Variants in NPAS3 observed in about 807,000 individuals in gnomAD.
NPAS3 encodes the protein neuronal PAS domain protein 3, also known as neuronal PAS domain-containing protein 3.
Under a neutral mutation model 73.1 loss-of-function variants are expected in NPAS3, and 14 were observed. The ratio of observed to expected loss-of-function variants is 0.19; its 90% CI spans 0.13 to 0.30. NPAS3 has a LOEUF of 0.30. Ranked by LOEUF, NPAS3 falls within the 10% of genes least tolerant of loss-of-function variation. The pLI is 1.00. For synonymous variants in NPAS3, 620 were observed against 541.5 expected, an observed-to-expected ratio of 1.14 and a Z score of -2.01; for missense variants, 1,096 against 1,250.0, an observed-to-expected ratio of 0.88 and a Z score of 1.86.
chr14:33,503,803 TG>T (rs1400889554), intron 4 of NPAS3, among the ~76,000 whole-genome samples: 1 of 152,032 alleles, frequency 6.6e-6, no homozygotes, highest in East Asian at 1.9e-4. Context: ...TACATTGCTT[TG>T]TTTATCCTTT....
Position 33,800,962 on chromosome 14 carries a change from C to T in NPAS3, c.2655C>T (p.Phe885=). 1.3e-6 allele frequency: 2 copies of T among 1,599,440 alleles called. No homozygotes were observed. The highest frequency in any genetic ancestry group is 1.1e-5 in the South Asian group (1 of 88,654). Residue 885 remains phenylalanine, a synonymous_variant, in exon 12 of 12, where the codon TTC becomes TTT. Transcript: ENST00000356141. This position sits in a 1 kb window ranked among gnomAD's most constrained non-coding sequence, Gnocchi z 6.5. ...ACCGGCTCAACATGTCAGGACCGTTCGGCGGCGCAGTGAGCGCAGCTAGCC... is the reference window on the plus strand; with the variant it reads ...ACCGGCTCAACATGTCAGGACCGTTTGGCGGCGCAGTGAGCGCAGCTAGCC...
In NPAS3 at chr14:33,287,192, A is replaced by G. The variant is rs149829175; in HGVS notation, c.385+71766A>G. ...TTTGGAATAACCATATCTCTTGGAA[A>G]TGCTGTGAAGCTTTCTTCTTTTTAT... On this transcript the variant is annotated intron_variant, in intron 3 of 11. Coordinates refer to ENST00000356141, the Ensembl canonical transcript of NPAS3. 5.1e-3 allele frequency among the ~76,000 whole-genome samples: 782 copies of G among 152,334 alleles called. 11 individuals are homozygous for G. Among genetic ancestry groups the G allele is most frequent in the African/African-American group, 0.017 (717 of 41,572 alleles).
intron 5 of NPAS3, among the ~76,000 whole-genome samples, chr14:33,669,587 C>T (rs1376518569): frequency 1.3e-5 from 2 of 152,114 alleles, no homozygotes; most frequent in Admixed American, 1.3e-4. Context: ...TGAAATGCAG[C>T]GTATAATTTA....
chr14:33,410,479 T>G (rs2047872313), intron 4 of NPAS3, among the ~76,000 whole-genome samples: 1 of 152,192 alleles, frequency 6.6e-6, no homozygotes, highest in Admixed American at 6.6e-5. Context: ...GCCTTTGGAT[T>G]AATAACTAGA....
chr14:33,576,330 G>A (rs975467926), intron 5 of NPAS3, among the ~76,000 whole-genome samples: 1 of 152,090 alleles, frequency 6.6e-6, no homozygotes, highest in African/African-American at 2.4e-5. Flanking sequence ...GTGCTGATAC[G>A]ATGTTTCCTA....
intron 5 of NPAS3, among the ~76,000 whole-genome samples, chr14:33,662,163 A>G (rs2059326540): frequency 1.3e-5 from 2 of 152,266 alleles, no homozygotes; most frequent in Non-Finnish European, 2.9e-5. Flanking sequence ...TTACTCAGCC[A>G]TGCCACCATA....
chr14:33,803,816 T>C (rs1595651745), downstream of NPAS3: 1 of 152,052 alleles, frequency 6.6e-6, no homozygotes, highest in South Asian at 2.1e-4. Context: ...TGGTGCCAAG[T>C]AGCTGAATAA....
chr14:33,551,304 G>A (rs765789650), intron 4 of NPAS3, among the ~76,000 whole-genome samples: 6 of 152,058 alleles, frequency 3.9e-5, no homozygotes, highest in Non-Finnish European at 5.9e-5. Context: ...TTTAATCATC[G>A]TTACTACTCC....
chr14:33,205,177 T>C (rs181266739), intron 2 of NPAS3, among the ~76,000 whole-genome samples: 2 of 152,198 alleles, frequency 1.3e-5, no homozygotes, highest in African/African-American at 4.8e-5. Context: ...TCTATATCTT[T>C]ATAGATAAAG....
intron 6 of NPAS3, among the ~76,000 whole-genome samples, chr14:33,690,865 A>T (rs2060216353): frequency 1.2e-5 from 1 of 85,146 alleles, no homozygotes; most frequent in African/African-American, 4.4e-5. Flanking sequence ...TTAGTTTAAA[A>T]TTTGTTAAAA....
intron 6 of NPAS3, among the ~76,000 whole-genome samples, chr14:33,678,260 G>A (rs890666907): frequency 2.6e-5 from 4 of 152,162 alleles, no homozygotes; most frequent in East Asian, 1.9e-4. Flanking sequence ...AGTAGTTCTC[G>A]TAGATAGTTA....
chr14:33,628,103 A>G (rs1378183211), intron 5 of NPAS3, among the ~76,000 whole-genome samples: 2 of 152,228 alleles, frequency 1.3e-5, no homozygotes, highest in South Asian at 2.1e-4. Context: ...TTGTGAAGCT[A>G]GTGGAAAAAA....
intron 2 of NPAS3, among the ~76,000 whole-genome samples, chr14:33,083,120 T>TTGCAGTGAGCCGTGATCA (rs1173291806): frequency 7.5e-6 from 1 of 133,112 alleles, no homozygotes; most frequent in Non-Finnish European, 1.5e-5. Context: ...GAGACAGAGG[T>TTGCAGTGAGCCGTGATCA]TGCAGTGAGC....
intron 5 of NPAS3, among the ~76,000 whole-genome samples, chr14:33,659,691 C>G (rs1371585081): frequency 6.6e-6 from 1 of 151,958 alleles, no homozygotes; most frequent in Non-Finnish European, 1.5e-5. Context: ...TAATAGTTTA[C>G]TAGAAACCAT....
chr14:33,229,253 G>A (rs2047751433), intron 3 of NPAS3, among the ~76,000 whole-genome samples: 1 of 152,184 alleles, frequency 6.6e-6, no homozygotes. Flanking sequence ...TACTCTTTTA[G>A]TATCTTCTCT....
At chr14:33,284,755 T>C (rs1566757943) in intron 3 of NPAS3, among the ~76,000 whole-genome samples, 2 of 132,890 alleles carry the variant, frequency 1.5e-5, no homozygotes, top group Admixed American at 1.6e-4. Context: ...TATCTATATA[T>C]CTATATCTAT....
rs1287966365 is a variant in NPAS3 at position 33,029,540 on chromosome 14, A to G, written c.51-26365A>G. Among the ~76,000 whole-genome samples the G allele has an allele frequency of 4.6e-5, 7 of 152,166 alleles. 1 individual carries two copies. Among genetic ancestry groups the G allele is most frequent in the Middle Eastern group, 6.3e-3 (2 of 316 alleles). ...TTATATTCTGAAGGGGCTTAAAAAT[A>G]TGATGTATTATTCATTATTTATCAC... On this transcript the variant is annotated intron_variant, in intron 1 of 11. Coordinates refer to ENST00000356141, the Ensembl canonical transcript of NPAS3.
chr14:33,796,621 C>T (rs1274590582), intron 10 of NPAS3, among the ~76,000 whole-genome samples: 1 of 152,128 alleles, frequency 6.6e-6, no homozygotes, highest in Non-Finnish European at 1.5e-5. Context: ...GGAGGATTTC[C>T]TTGTGCCTTC....
At chr14:33,089,454 G>C (rs1252072085) in intron 2 of NPAS3, among the ~76,000 whole-genome samples, 1 of 152,308 alleles carries the variant, frequency 6.6e-6, no homozygotes, top group Non-Finnish European at 1.5e-5. Context: ...AGAGAAAAAA[G>C]AGTAAAAAGA....
Sources: allele counts gnomAD v4.1 joint callset (sites outside exome capture counted in the v4.1 genomes callset), GRCh38; gene constraint gnomAD v4.1.1; non-coding constraint Gnocchi (gnomAD v3.1); transcripts MANE v1.5; gene names NCBI Gene and HGNC (gene_info 2026-07-23, HGNC 2026-07-21).